SLC35F4: variants seen among roughly 807,000 people sequenced by gnomAD.
The protein encoded by SLC35F4 is chromosome 14 open reading frame 36.
In SLC35F4, 24 loss-of-function variants were observed where a neutral mutation model predicts 44.2. That is an observed-to-expected ratio of 0.54 (90% CI 0.39 to 0.76). The LOEUF (loss-of-function observed/expected upper bound fraction) is 0.76, where lower values mean the gene tolerates loss of function less well. Ranked by LOEUF, SLC35F4 falls within the 30% of genes least tolerant of loss-of-function variation. The probability of loss-of-function intolerance (pLI) is 0.00; values close to 1 mark genes in which losing one functional copy is unlikely to be tolerated. For missense variants in SLC35F4, 562 were observed against 586.1 expected (o/e 0.96, Z 0.42); for synonymous variants, 238 against 223.6 (o/e 1.06, Z -0.57).
At chr14:57,957,980 T>C (rs1890270571) in intron 1 of SLC35F4, among the ~76,000 whole-genome samples, 1 of 152,214 alleles carries the variant, frequency 6.6e-6, no homozygotes, top group Non-Finnish European at 1.5e-5. Flanking sequence ...AAATAACTGC[T>C]GCAAGTAATG....
chr14:57,982,950 G>A (rs549165300), upstream of SLC35F4, among the ~76,000 whole-genome samples: 1 of 152,062 alleles, frequency 6.6e-6, no homozygotes, highest in East Asian at 1.9e-4. Flanking sequence ...AATCCTCACC[G>A]CCAGCTGCTG....
chr14:57,665,021 G>A (rs572563927), intron 1 of SLC35F4, among the ~76,000 whole-genome samples: 2 of 152,102 alleles, frequency 1.3e-5, no homozygotes, highest in Non-Finnish European at 2.9e-5. Context: ...TTAACAACAT[G>A]CTTCCACTTC....
At chr14:57,579,529 A>G (rs1472383988) in intron 4 of SLC35F4, 1 of 152,154 alleles carries the variant, frequency 6.6e-6, no homozygotes, top group Non-Finnish European at 1.5e-5. Flanking sequence ...TGGTGAAAAT[A>G]TGGATTTAAT....
intron 1 of SLC35F4, among the ~76,000 whole-genome samples, chr14:57,821,243 G>A (rs1381994092): frequency 1.3e-5 from 2 of 151,954 alleles, no homozygotes; most frequent in African/African-American, 4.8e-5. Context: ...TTCAGCCACA[G>A]CTTCCAAGTC....
intron 1 of SLC35F4, among the ~76,000 whole-genome samples, chr14:57,862,358 C>A (rs765630180): frequency 6.6e-5 from 10 of 152,306 alleles, no homozygotes; most frequent in South Asian, 2.1e-4. Flanking sequence ...CACCCTGTCC[C>A]AGTACAGCAG....
At chr14:57,679,686 G>A (rs1468474096) in intron 1 of SLC35F4, among the ~76,000 whole-genome samples, 1 of 151,962 alleles carries the variant, frequency 6.6e-6, no homozygotes, top group Non-Finnish European at 1.5e-5. Context: ...AAATGATAAA[G>A]GGGATATCTC....
intron 1 of SLC35F4, among the ~76,000 whole-genome samples, chr14:57,839,790 G>A (rs1438472338): frequency 1.3e-5 from 2 of 152,032 alleles, no homozygotes; most frequent in Non-Finnish European, 2.9e-5. Flanking sequence ...ACATGCTCAG[G>A]ACACAGCTCC....
At chr14:57,694,422 CATA>C (rs1175022353) in intron 1 of SLC35F4, among the ~76,000 whole-genome samples, 5 of 152,096 alleles carry the variant, frequency 3.3e-5, no homozygotes, top group Admixed American at 6.6e-5. Context: ...TTTCATTTTA[CATA>C]ATGTTTGTGA....
chr14:57,597,197 A>C (rs1369606106), intron 1 of SLC35F4, among the ~76,000 whole-genome samples: 1 of 152,228 alleles, frequency 6.6e-6, no homozygotes, highest in Non-Finnish European at 1.5e-5. Flanking sequence ...CCAGTTAGTA[A>C]ACAATGTTCT....
intron 1 of SLC35F4, among the ~76,000 whole-genome samples, chr14:57,639,035 A>G (rs1425731565): frequency 6.6e-6 from 1 of 152,014 alleles, no homozygotes; most frequent in African/African-American, 2.4e-5. Context: ...TCTGTGCCCA[A>G]TTTGACTTAG....
intron 1 of SLC35F4, among the ~76,000 whole-genome samples, chr14:57,598,938 A>G (rs2070654285): frequency 6.6e-6 from 1 of 152,040 alleles, no homozygotes; most frequent in African/African-American, 2.4e-5. Context: ...TTGCTCTATG[A>G]CAAGAGGCAG....
rs573203753 is a variant in SLC35F4 at position 57,734,243 on chromosome 14, T to C, written c.103+131480A>G. Among the ~76,000 whole-genome samples, 6 of 152,284 alleles carry C rather than the reference T, an allele frequency of 3.9e-5. No homozygotes were observed. In the East Asian group the frequency reaches 7.7e-4, roughly 20 times the overall value. ...GAGTTTGAATCTTGGCTTTCCTACTTGGTAGTTGTGCATTCTTTCTGAGCC... is the reference window on the plus strand; with the variant it reads ...GAGTTTGAATCTTGGCTTTCCTACTCGGTAGTTGTGCATTCTTTCTGAGCC... On this transcript the variant is annotated intron_variant, in intron 1 of 7. Transcript: ENST00000556826.
chr14:57,895,928 T>A (rs1350150678), intron 1 of SLC35F4, among the ~76,000 whole-genome samples: 1 of 152,048 alleles, frequency 6.6e-6, no homozygotes, highest in Non-Finnish European at 1.5e-5. Flanking sequence ...TGATGGAAGG[T>A]AGTAATTTAT....
chr14:57,805,400 G>A (rs1002748982), intron 1 of SLC35F4, among the ~76,000 whole-genome samples: 3 of 152,180 alleles, frequency 2.0e-5, no homozygotes, highest in African/African-American at 7.2e-5. Context: ...ACTGGATAAA[G>A]AAAATGTGGT....
intron 1 of SLC35F4, among the ~76,000 whole-genome samples, chr14:57,738,422 T>C (rs1292485729): frequency 6.6e-6 from 1 of 152,128 alleles, no homozygotes; most frequent in East Asian, 1.9e-4. Flanking sequence ...ATGTCTCCCA[T>C]CTGCTTCGTT....
intron 1 of SLC35F4, among the ~76,000 whole-genome samples, chr14:57,748,298 T>C (rs2140547139): frequency 6.6e-6 from 1 of 152,256 alleles, no homozygotes; most frequent in East Asian, 1.9e-4. Flanking sequence ...AGATGGTGTG[T>C]ATGTATGTGT....
chr14:57,750,541 T>C (rs1299323116), intron 1 of SLC35F4, among the ~76,000 whole-genome samples: 1 of 152,214 alleles, frequency 6.6e-6, no homozygotes, highest in Non-Finnish European at 1.5e-5. Flanking sequence ...TGCCAACATC[T>C]AATATGTTTT....
At chr14:57,693,251 C>A (rs2075284681) in intron 1 of SLC35F4, among the ~76,000 whole-genome samples, 1 of 152,148 alleles carries the variant, frequency 6.6e-6, no homozygotes, top group Non-Finnish European at 1.5e-5. Context: ...TATGTAAGGT[C>A]AGTATTTTCC....
chr14:57,651,613 A>G (rs972209763), intron 1 of SLC35F4, among the ~76,000 whole-genome samples: 1 of 152,134 alleles, frequency 6.6e-6, no homozygotes, highest in African/African-American at 2.4e-5. Context: ...TGAGGAGAGC[A>G]GTGGCCCTCC....
Sources: allele counts gnomAD v4.1 joint callset (sites outside exome capture counted in the v4.1 genomes callset), GRCh38; gene constraint gnomAD v4.1.1; transcripts MANE v1.5; gene names NCBI Gene and HGNC (gene_info 2026-07-23, HGNC 2026-07-21).